Variants in FAN1 observed in about 807,000 individuals in gnomAD.
FAN1 encodes the protein fanconi-associated nuclease 1.
A neutral mutation model predicts 104.9 loss-of-function variants in FAN1; 91 were observed. That is an observed-to-expected ratio of 0.87 (90% confidence interval 0.73 to 1.03). FAN1 has a LOEUF of 1.03. FAN1 is among the 50% of genes least tolerant of loss of function. The pLI, the probability that FAN1 is intolerant of heterozygous loss-of-function variation, is 0.00. For missense variants in FAN1, 1,263 were observed against 1,239.9 expected, an observed-to-expected ratio of 1.02 and a Z score of -0.28; for synonymous variants, 478 against 457.6, an observed-to-expected ratio of 1.04 and a Z score of -0.57.
intron 8 of FAN1, among the ~76,000 whole-genome samples, chr15:30,923,714 G>A (rs2062391521): frequency 6.6e-6 from 1 of 152,224 alleles, no homozygotes; most frequent in South Asian, 2.1e-4. Flanking sequence ...CGAACAGGGT[G>A]CCCTTCAGAG....
rs767018763 is a variant in FAN1, at chr15:30,941,563, C to G, written c.*4-3C>G. ...GTGTTCCTAAAATGCTTCGTCTGCA[C>G]AGATTCCCTACAGGAGAAAATGGAA... On this transcript the variant is annotated splice_region_variant and splice_polypyrimidine_tract_variant and intron_variant, in intron 14 of 14. Coordinates refer to ENST00000362065, the MANE Select transcript of FAN1 (RefSeq NM_014967.5). 1 of 1,602,034 alleles carries G rather than the reference C, an allele frequency of 6.2e-7. No individual in the cohort carries two copies. Among genetic ancestry groups the G allele is most frequent in the Non-Finnish European group, 8.5e-7 (1 of 1,173,730 alleles).
At chr15:30,904,314 C>T (rs1477924164) in intron 1 of FAN1, among the ~76,000 whole-genome samples, 198 bp from the exon 2 acceptor site, 1 of 152,152 alleles carries the variant, frequency 6.6e-6, no homozygotes, top group African/African-American at 2.4e-5. Flanking sequence ...ATTACCCTTA[C>T]AAGCCCAGCT....
At chr15:30,909,691 C>T (rs914628218) in intron 3 of FAN1, among the ~76,000 whole-genome samples, 1 of 152,248 alleles carries the variant, frequency 6.6e-6, no homozygotes, top group African/African-American at 2.4e-5. Context: ...CACGGCCACC[C>T]AGCCCTCAGT....
intron 13 of FAN1, among the ~76,000 whole-genome samples, chr15:30,936,788 T>C (rs2062866849): frequency 6.6e-6 from 1 of 152,214 alleles, no homozygotes; most frequent in Admixed American, 6.5e-5. Context: ...CTGCAAACCG[T>C]AGAGTACTGG....
At chr15:30,915,132 A>G (rs1253970728) in intron 5 of FAN1, among the ~76,000 whole-genome samples, 1 of 152,246 alleles carries the variant, frequency 6.6e-6, no homozygotes, top group Non-Finnish European at 1.5e-5. Flanking sequence ...CATAAAAAAG[A>G]ATGAAATTCT....
intron 3 of FAN1, among the ~76,000 whole-genome samples, chr15:30,909,752 T>C (rs994252866): frequency 7.2e-5 from 11 of 152,166 alleles, no homozygotes; most frequent in African/African-American, 2.4e-4. Context: ...GGACTGACTT[T>C]CCCCTCCACC....
At chr15:30,935,130 G>C (rs745844128) in intron 13 of FAN1, among the ~76,000 whole-genome samples, 1 of 151,874 alleles carries the variant, frequency 6.6e-6, no homozygotes, top group Non-Finnish European at 1.5e-5. Flanking sequence ...AACACAGTGA[G>C]ACCTCATCTC....
intron 2 of FAN1, among the ~76,000 whole-genome samples, chr15:30,906,743 G>A (rs567118350): frequency 2.0e-5 from 3 of 152,270 alleles, no homozygotes; most frequent in Admixed American, 2.0e-4. Flanking sequence ...GGTATTCCTT[G>A]GGTTACTTTT....
chr15:30,940,299 TC>T, intron 14 of FAN1: 3 of 985,390 alleles, frequency 3.0e-6, no homozygotes, highest in Non-Finnish European at 3.6e-6. Flanking sequence ...GAGATTCAGA[TC>T]AAGCAAACAA....
chr15:30,923,663 C>T lies in FAN1; in HGVS notation c.2172+1309C>T, dbSNP rs1288624765. Among the ~76,000 whole-genome samples the T allele has an allele frequency of 2.0e-5, 3 of 152,238 alleles. 1 individual carries two copies. In the South Asian group the frequency reaches 6.2e-4, roughly 31 times the overall value. On this transcript the variant is annotated intron_variant, in intron 8 of 14. Transcript: ENST00000362065. ...GTGGAGCCAGCTGGGCCCTCCCTCT[C>T]CGAGGCCAGGCTGCCGCTGCCCGGC...
At chr15:30,919,253 G>C (rs976348144) in intron 6 of FAN1, among the ~76,000 whole-genome samples, 1 of 151,562 alleles carries the variant, frequency 6.6e-6, no homozygotes, top group African/African-American at 2.4e-5. Context: ...GGTGGTGCCT[G>C]CCTGTAATCC....
At chr15:30,923,976 C>T (rs2062397330) in intron 8 of FAN1, among the ~76,000 whole-genome samples, 1 of 152,182 alleles carries the variant, frequency 6.6e-6, no homozygotes, top group African/African-American at 2.4e-5. Flanking sequence ...AACACTGCAG[C>T]CATTAGGCAA....
chr15:30,908,362 C>G, intron 3 of FAN1, 104 bp downstream of exon 3: 1 of 919,282 alleles, frequency 1.1e-6, no homozygotes, highest in East Asian at 2.8e-5. Context: ...GGGGTGGTGC[C>G]TGGTAACTTA....
At chr15:30,923,692 G>A (rs985401945) in intron 8 of FAN1, among the ~76,000 whole-genome samples, 13 of 152,218 alleles carry the variant, frequency 8.5e-5, no homozygotes, top group Admixed American at 2.0e-4. Context: ...GCCCGGCACC[G>A]TCTTCTGCCA....
At chr15:30,939,943 A>G (rs2062982458) in intron 14 of FAN1, 1 of 984,942 alleles carries the variant, frequency 1.0e-6, no homozygotes, top group South Asian at 4.7e-5. Flanking sequence ...ATATTTTTTA[A>G]GAACTCCTGT....
chr15:30,914,099 G>A lies in FAN1; in HGVS notation c.1811+8G>A. ...CAGAGATGATCTTATCAGGTAAGAT[G>A]ATGTTAGCTCACTATAATGTCTATA... On this transcript the variant is annotated splice_region_variant and intron_variant, in intron 5 of 14. Coordinates refer to ENST00000362065, the MANE Select transcript of FAN1 (RefSeq NM_014967.5). 1.3e-6 allele frequency: 2 copies of A among 1,567,312 alleles called. No homozygotes were observed. Among genetic ancestry groups the A allele is most frequent in the Non-Finnish European group, 1.8e-6 (2 of 1,137,784 alleles).
At position 30,905,807 on chromosome 15, in the gene FAN1, G is replaced by T. The variant is rs1213494506; in HGVS notation, c.1144G>T (p.Val382Leu). The T allele has an allele frequency of 6.2e-7, 1 of 1,614,162 alleles. No homozygotes were observed. The highest frequency in any genetic ancestry group is 1.7e-5 in the Admixed American group (1 of 60,016). The change falls in exon 2 of 15, where the codon GTG becomes TTG. Residue 382 changes from valine to leucine, a missense_variant. Val to Leu is a conservative substitution (Grantham distance 32). Coordinates refer to ENST00000362065, the MANE Select transcript of FAN1 (RefSeq NM_014967.5). ...HPYYLRSFLV[V>L]LKTVLENEDD... is the part of the protein sequence containing the mutation. ...TTACTACCTTCGGAGTTTCCTTGTG[G>T]TGCTGAAAACCGTACTTGAGAATGA...
chr15:30,925,618 C>G (rs2062440957), intron 9 of FAN1, among the ~76,000 whole-genome samples, 171 bp from the exon 10 acceptor site: 1 of 152,256 alleles, frequency 6.6e-6, no homozygotes, highest in South Asian at 2.1e-4. Context: ...CAGGGCCGGA[C>G]CAGCGAACTG....
At chr15:30,935,699 T>C (rs545500074) in intron 13 of FAN1, among the ~76,000 whole-genome samples, 1 of 152,352 alleles carries the variant, frequency 6.6e-6, no homozygotes, top group Admixed American at 6.5e-5. Flanking sequence ...AGGTTTTGTA[T>C]GTCTTAGCCT....
Sources: gnomAD v4.1 joint callset for allele counts (sites outside exome capture counted in the v4.1 genomes callset) on GRCh38, gnomAD v4.1.1 for gene constraint, MANE v1.5 for transcripts, NCBI Gene and HGNC (gene_info 2026-07-23, HGNC 2026-07-21) for gene names.